Variants in UBE2J1 observed in about 807,000 individuals in gnomAD.
The protein encoded by UBE2J1 is ubiquitin conjugating enzyme E2 J1, also known as ubiquitin-conjugating enzyme E2 J1.
Under a neutral mutation model 42.1 loss-of-function variants are expected in UBE2J1, and 17 were observed. The observed-to-expected ratio is 0.40, with a 90% CI of 0.28 to 0.61. UBE2J1 has a LOEUF of 0.61. UBE2J1 is among the 20% of genes least tolerant of loss of function. The pLI, the probability that UBE2J1 is intolerant of heterozygous loss-of-function variation, is 0.38. For synonymous variants in UBE2J1, 127 were observed against 137.2 expected (o/e 0.93, Z 0.52); for missense variants, 291 against 389.4 (o/e 0.75, Z 2.13).
intron 6 of UBE2J1, among the ~76,000 whole-genome samples, chr6:89,333,898 G>C (rs1173625354): frequency 6.6e-6 from 1 of 152,234 alleles, no homozygotes; most frequent in Admixed American, 6.5e-5. Flanking sequence ...GGAAGAGGAA[G>C]AGAGCATGCT....
chr6:89,332,580 G>A (rs1225043893), intron 7 of UBE2J1, among the ~76,000 whole-genome samples: 2 of 152,144 alleles, frequency 1.3e-5, no homozygotes, highest in Non-Finnish European at 2.9e-5. Flanking sequence ...CTTGAAATGT[G>A]GTGTGACTGA....
At chr6:89,344,479 CA>C (rs1768319892) in intron 1 of UBE2J1, among the ~76,000 whole-genome samples, 2 of 152,200 alleles carry the variant, frequency 1.3e-5, no homozygotes, top group Non-Finnish European at 2.9e-5. Context: ...TCTTTATCCA[CA>C]CCCTTGGCTC....
chr6:89,344,763 TCTC>T (rs1301376321), intron 1 of UBE2J1, among the ~76,000 whole-genome samples: 6 of 152,306 alleles, frequency 3.9e-5, no homozygotes, highest in Non-Finnish European at 7.3e-5. Flanking sequence ...TAGTCTAATT[TCTC>T]CTCTCTTTCA....
In UBE2J1 at chr6:89,340,837, G is replaced by A. The variant is rs560861640; in HGVS notation, c.237+1487C>T. On this transcript the variant is annotated intron_variant, in intron 3 of 7. Transcript: ENST00000435041. The stretch of plus-strand genomic sequence containing the variant: ...AGGCTGGACTGCGGACTGCAGTGGC[G>A]CAATCTCGGCTCACTGCAAGCTCCG... Among the ~76,000 whole-genome samples, 442 of 151,004 alleles carry A rather than the reference G, an allele frequency of 2.9e-3. 3 individuals carry two copies. Among genetic ancestry groups the A allele is most frequent in the African/African-American group, 0.01 (412 of 41,190 alleles).
intron 2 of UBE2J1, among the ~76,000 whole-genome samples, chr6:89,342,716 T>G (rs908219172): frequency 6.6e-6 from 1 of 152,184 alleles, no homozygotes; most frequent in Non-Finnish European, 1.5e-5. Flanking sequence ...TGTTGTTATA[T>G]ATTCATAAGT....
Position 89,352,579 on chromosome 6 carries a change from C to T in UBE2J1, c.-10G>A. On this transcript the variant is annotated 5_prime_UTR_variant, in exon 1 of 8. Coordinates refer to ENST00000435041, the MANE Select transcript of UBE2J1 (RefSeq NM_016021.3). ...TGTAGCGGGTCTCCATGGTGGGTCGCTGGCTTGGCTCCGGCCTCCCGGGCC... is the reference window on the plus strand; with the variant it reads ...TGTAGCGGGTCTCCATGGTGGGTCGTTGGCTTGGCTCCGGCCTCCCGGGCC... The T allele has an allele frequency of 6.4e-7, 1 of 1,564,678 alleles. No individual in the cohort carries two copies. The highest frequency in any genetic ancestry group is 8.6e-7 in the Non-Finnish European group (1 of 1,162,714).
rs546826515 is a variant in UBE2J1 at position 89,338,427 on chromosome 6, GA to G, written c.322+31del. 2.2e-4 allele frequency: 348 copies of G among 1,579,884 alleles called. 1 individual carries two copies. The South Asian group carries it at 3.6e-3, about 16-fold the overall frequency. On this transcript the variant is annotated intron_variant, in intron 4 of 7. Coordinates refer to ENST00000435041, the MANE Select transcript of UBE2J1 (RefSeq NM_016021.3). Reference sequence around the variant, plus strand: ...ATAACTATGAATTGACTGAAGTTATGAGATTTATATTCACTATAAATTAACA... The same window carrying G: ...ATAACTATGAATTGACTGAAGTTATGGATTTATATTCACTATAAATTAACA...
intron 1 of UBE2J1, among the ~76,000 whole-genome samples, chr6:89,346,534 C>A (rs1424384788): frequency 6.6e-6 from 1 of 152,152 alleles, no homozygotes; most frequent in African/African-American, 2.4e-5. Context: ...TTCCTCAGGG[C>A]CCAGGCTGCT....
Position 89,343,690 on chromosome 6 carries a change from G to T in UBE2J1, c.98C>A (p.Pro33His). The change falls in exon 2 of 8, where the codon CCT (proline) becomes CAT (histidine). Residue 33 changes from proline (P) to histidine (H), a missense_variant. Physicochemically the swap from Pro to His is moderately conservative, Grantham distance 77 (BLOSUM62 -2). This residue lies in a region of UBE2J1 where 115 missense variants were observed against 193.1 expected (regional missense o/e 0.60). Coordinates refer to ENST00000435041, the MANE Select transcript of UBE2J1 (RefSeq NM_016021.3). ...KDPTDHYHAQ[P>H]LEDNLFEWHF... ...ATGGAGATAGAAACTAACCTCTAAA[G>T]GCTGCGCATGGTAATGATCTGTTGG... is the stretch of plus-strand genomic sequence containing the variant. The T allele has an allele frequency of 6.2e-7, 1 of 1,604,774 alleles. No individual in the cohort carries two copies. The highest frequency in any genetic ancestry group is 1.1e-5 in the South Asian group (1 of 88,338).
At chr6:89,342,492 A>G (rs1582485963) in intron 2 of UBE2J1, 37 bp from the exon 3 acceptor site, 1 of 1,542,406 alleles carries the variant, frequency 6.5e-7, no homozygotes, top group Non-Finnish European at 8.7e-7. Flanking sequence ...AATTAATAAT[A>G]TTGAAAAGTT....
At chr6:89,349,252 A>G (rs1239697706) in intron 1 of UBE2J1, among the ~76,000 whole-genome samples, 1 of 152,166 alleles carries the variant, frequency 6.6e-6, no homozygotes, top group Non-Finnish European at 1.5e-5. Flanking sequence ...GAGGAAGAGC[A>G]TAAGAGTGGT....
chr6:89,336,634 A>G (rs1199494705), intron 5 of UBE2J1, among the ~76,000 whole-genome samples: 1 of 151,546 alleles, frequency 6.6e-6, no homozygotes, highest in East Asian at 1.9e-4. Flanking sequence ...TGCCCAGCCT[A>G]ATTTAGTATT....
chr6:89,352,105 C>A (rs1212925236), intron 1 of UBE2J1, among the ~76,000 whole-genome samples: 2 of 152,112 alleles, frequency 1.3e-5, no homozygotes, highest in Non-Finnish European at 2.9e-5. Context: ...GATATTTAAA[C>A]GACCAACTCC....
rs1351535751 is a variant in UBE2J1, at chr6:89,328,792, AT to A, written c.*886del. The A allele has an allele frequency of 6.6e-6, 1 of 152,190 alleles. No homozygotes were observed. Among genetic ancestry groups the A allele is most frequent in the Non-Finnish European group, 1.5e-5 (1 of 68,036 alleles). The allele number at this position is 152,190 out of a possible 1,614,324, so 9.4% of individuals were successfully genotyped here. A position where few individuals can be genotyped will look rare whatever the true frequency, so the allele number is the denominator to read the frequency against. ...GACATGAAATATTTCAATATTATGC[AT>A]ATTCCTGGAATAATTAAAATTTATA... On this transcript the variant is annotated 3_prime_UTR_variant, in exon 8 of 8. Transcript: ENST00000435041.
chr6:89,331,134 C>T (rs558047453), intron 7 of UBE2J1, among the ~76,000 whole-genome samples: 12 of 152,274 alleles, frequency 7.9e-5, no homozygotes, highest in Admixed American at 2.6e-4. Flanking sequence ...AAAATCATAG[C>T]TTATCTGGGA....
Position 89,329,551 on chromosome 6 carries a change from A to G in UBE2J1, c.*128T>C. ...GTCTAGATATATTTATACTAAACTT[A>G]CAAGGATCAAAAAAAGGAATGAAGG... On this transcript the variant is annotated 3_prime_UTR_variant, in exon 8 of 8. Transcript: ENST00000435041. The G allele has an allele frequency of 9.9e-7, 1 of 1,011,884 alleles. No homozygotes were observed. The highest frequency in any genetic ancestry group is 1.5e-6 in the Non-Finnish European group (1 of 689,272). The allele number at this position is 1,011,884 out of a possible 1,614,324, so 62.7% of individuals were successfully genotyped here. A position where few individuals can be genotyped will look rare whatever the true frequency, so the allele number is the denominator to read the frequency against.
Position 89,340,962 on chromosome 6 carries a change from A to T in UBE2J1, c.237+1362T>A, listed in dbSNP as rs1768236524. ...GGCTAATTTTTTGTATTTTTAGTAGAGACGGGGTTTCACCTTGTTAGCCAG... is the reference window on the plus strand; with the variant it reads ...GGCTAATTTTTTGTATTTTTAGTAGTGACGGGGTTTCACCTTGTTAGCCAG... On this transcript the variant is annotated intron_variant, in intron 3 of 7. Coordinates refer to ENST00000435041, the MANE Select transcript of UBE2J1 (RefSeq NM_016021.3). Among the ~76,000 whole-genome samples, 2 of 151,360 alleles carry T rather than the reference A, an allele frequency of 1.3e-5. 1 individual carries two copies. The highest frequency in any genetic ancestry group is 4.9e-5 in the African/African-American group (2 of 41,106).
chr6:89,339,109 G>A (rs898521975), intron 3 of UBE2J1, among the ~76,000 whole-genome samples: 2 of 151,902 alleles, frequency 1.3e-5, no homozygotes, highest in African/African-American at 4.8e-5. Flanking sequence ...AGTTGCACAA[G>A]TGAAATCTAA....
intron 6 of UBE2J1, among the ~76,000 whole-genome samples, chr6:89,334,748 G>A (rs998247556): frequency 5.3e-5 from 8 of 152,104 alleles, no homozygotes; most frequent in Admixed American, 3.9e-4. Context: ...GATTACAGGC[G>A]TGAGCCACCG....
Sources: allele counts gnomAD v4.1 joint callset (sites outside exome capture counted in the v4.1 genomes callset), GRCh38; gene constraint gnomAD v4.1.1; regional missense constraint gnomAD v4.1.1; transcripts MANE v1.5; gene names NCBI Gene and HGNC (gene_info 2026-07-23, HGNC 2026-07-21).